Variants in MACROD2 observed in about 807,000 individuals in gnomAD.
MACROD2 encodes the protein mono-ADP ribosylhydrolase 2.
MACROD2 carries 36 observed loss-of-function variants against 70.4 expected under a neutral mutation model. The ratio of observed to expected loss-of-function variants is 0.51; its 90% CI spans 0.39 to 0.68. MACROD2 has a LOEUF of 0.68. Among genes scored for constraint, MACROD2 ranks in the 30% least tolerant of loss-of-function variants. MACROD2 has a pLI of 0.00. For missense variants in MACROD2, 496 were observed against 538.4 expected, an observed-to-expected ratio of 0.92 and a Z score of 0.78; for synonymous variants, 172 against 178.8, an observed-to-expected ratio of 0.96 and a Z score of 0.30.
At chr20:15,623,675 T>TCTGC (rs1199982423) in intron 8 of MACROD2, among the ~76,000 whole-genome samples, 4 of 130,494 alleles carry the variant, frequency 3.1e-5, no homozygotes, top group Non-Finnish European at 6.6e-5. Flanking sequence ...TAGCAAGTTA[T>TCTGC]CTGCCTATCT....
intron 5 of MACROD2, among the ~76,000 whole-genome samples, chr20:15,071,408 A>G (rs979830984): frequency 3.3e-5 from 5 of 152,206 alleles, no homozygotes; most frequent in African/African-American, 1.2e-4. Flanking sequence ...GAGGATAGGA[A>G]CTATGTCAGA....
At chr20:15,896,999 C>CT (rs554213099) in intron 10 of MACROD2, among the ~76,000 whole-genome samples, 1 of 151,264 alleles carries the variant, frequency 6.6e-6, no homozygotes, top group Non-Finnish European at 1.5e-5. Context: ...TAATTTAGAC[C>CT]TTTTTTTTTC....
intron 3 of MACROD2, among the ~76,000 whole-genome samples, chr20:14,452,172 A>T (rs1293779535): frequency 2.6e-5 from 4 of 152,060 alleles, no homozygotes; most frequent in Admixed American, 6.5e-5. Context: ...ATGAATTTAG[A>T]TTGTGCCCTA....
At chr20:15,444,793 T>G (rs986743027) in intron 7 of MACROD2, among the ~76,000 whole-genome samples, 39 of 152,046 alleles carry the variant, frequency 2.6e-4, no homozygotes, top group Admixed American at 2.1e-3. Context: ...AATGGTATAA[T>G]TATTGAGGTT....
At chr20:15,895,570 A>G (rs1298126276) in intron 10 of MACROD2, among the ~76,000 whole-genome samples, 1 of 152,218 alleles carries the variant, frequency 6.6e-6, no homozygotes, top group African/African-American at 2.4e-5. Flanking sequence ...GAGAGGCTGA[A>G]GAAGAGCCCC....
At chr20:15,937,346 A>T in intron 11 of MACROD2, 130 bp from the exon 12 acceptor site, 2 of 743,010 alleles carry the variant, frequency 2.7e-6, no homozygotes, top group Non-Finnish European at 4.8e-6. Flanking sequence ...AAGAGCATTC[A>T]GTGTATTCAA....
chr20:15,251,725 T>A (rs1007526814), intron 6 of MACROD2, among the ~76,000 whole-genome samples: 2 of 152,190 alleles, frequency 1.3e-5, no homozygotes, highest in Non-Finnish European at 2.9e-5. Context: ...AAACAGTGAA[T>A]CGGTGCTAAG....
intron 3 of MACROD2, among the ~76,000 whole-genome samples, chr20:14,251,567 C>T (rs983286506): frequency 1.3e-5 from 2 of 152,028 alleles, no homozygotes; most frequent in Admixed American, 1.3e-4. Context: ...AAAGGTGAAA[C>T]AGCGAAAACT....
intron 15 of MACROD2, among the ~76,000 whole-genome samples, chr20:16,024,432 A>G (rs1442053736): frequency 6.6e-6 from 1 of 152,090 alleles, no homozygotes; most frequent in Non-Finnish European, 1.5e-5. Flanking sequence ...AAAAAATACA[A>G]CTTCCTTCCT....
chr20:15,806,382 T>G (rs1164202106), intron 8 of MACROD2, among the ~76,000 whole-genome samples: 1 of 152,216 alleles, frequency 6.6e-6, no homozygotes, highest in African/African-American at 2.4e-5. Flanking sequence ...CTTTCACCAG[T>G]CCTCACTTAG....
At chr20:14,917,905 T>G (rs1166898451) in intron 5 of MACROD2, among the ~76,000 whole-genome samples, 4 of 151,996 alleles carry the variant, frequency 2.6e-5, no homozygotes, top group Admixed American at 6.6e-5. Context: ...AGAGTAACTG[T>G]GTAGGAATTC....
intron 3 of MACROD2, among the ~76,000 whole-genome samples, chr20:14,454,879 A>G (rs559654788): frequency 2.6e-4 from 39 of 150,616 alleles, no homozygotes; most frequent in South Asian, 4.2e-4. Context: ...CAGCCTCCCT[A>G]GTAGCTGGGA....
chr20:14,467,815 G>T (rs1362535046), intron 3 of MACROD2, among the ~76,000 whole-genome samples: 1 of 152,076 alleles, frequency 6.6e-6, no homozygotes, highest in Non-Finnish European at 1.5e-5. Context: ...TTGTGTCATT[G>T]TTCTCATTAG....
intron 4 of MACROD2, among the ~76,000 whole-genome samples, chr20:14,500,148 C>G (rs1445310350): frequency 6.6e-6 from 1 of 152,192 alleles, no homozygotes; most frequent in Non-Finnish European, 1.5e-5. Flanking sequence ...TCTTGCTCTG[C>G]CATCTCCTCA....
At chr20:14,155,549 G>A (rs950833622) in intron 3 of MACROD2, among the ~76,000 whole-genome samples, 1 of 152,120 alleles carries the variant, frequency 6.6e-6, no homozygotes, top group Non-Finnish European at 1.5e-5. Flanking sequence ...GATTAAAAGG[G>A]ATTATCAGCT....
intron 10 of MACROD2, among the ~76,000 whole-genome samples, chr20:15,925,978 A>G (rs2065483784): frequency 6.6e-6 from 1 of 152,210 alleles, no homozygotes; most frequent in Admixed American, 6.5e-5. Flanking sequence ...ACTGGCAGCC[A>G]GGAGAGCACT....
chr20:14,956,863 G>C (rs1181533959), intron 5 of MACROD2, among the ~76,000 whole-genome samples: 1 of 152,138 alleles, frequency 6.6e-6, no homozygotes, highest in Non-Finnish European at 1.5e-5. Context: ...TAAATCAGCA[G>C]TGAAATTAGG....
chr20:15,074,328 C>CGCATGA (rs2075641352), intron 5 of MACROD2, among the ~76,000 whole-genome samples: 1 of 152,176 alleles, frequency 6.6e-6, no homozygotes, highest in African/African-American at 2.4e-5. Flanking sequence ...CCTAATGAAG[C>CGCATGA]TTGTATAAAA....
intron 5 of MACROD2, among the ~76,000 whole-genome samples, chr20:14,817,819 C>T (rs2072790673): frequency 6.6e-6 from 1 of 152,114 alleles, no homozygotes; most frequent in Non-Finnish European, 1.5e-5. Context: ...CTGAGTGTCA[C>T]AAGGTTTGAA....
Sources: allele counts gnomAD v4.1 joint callset (sites outside exome capture counted in the v4.1 genomes callset), GRCh38; gene constraint gnomAD v4.1.1; transcripts MANE v1.5; gene names NCBI Gene and HGNC (gene_info 2026-07-23, HGNC 2026-07-21).